Variants in TIFA observed in about 807,000 individuals in gnomAD.
The protein encoded by TIFA is TRAF interacting protein with forkhead associated domain.
For synonymous variants in TIFA, 75 were observed against 79.2 expected (o/e 0.95, Z 0.28); for missense variants, 186 against 215.2 (o/e 0.86, Z 0.85).
rs34544244 is a variant in TIFA, at chr4:112,280,343, C to CTTTTTTTTTTTTTTTTTTTTTT, written c.-18-1931_-18-1910dup. 2.6e-5 allele frequency among the ~76,000 whole-genome samples: 2 copies of CTTTTTTTTTTTTTTTTTTTTTT among 76,748 alleles called. 1 individual carries two copies. The highest frequency in any genetic ancestry group is 1.1e-4 in the African/African-American group (2 of 18,182). 50.3% of individuals were successfully genotyped at this position (76,748 alleles called of 152,430 possible). On this transcript the variant is annotated intron_variant, in intron 1 of 1. Transcript: ENST00000361717. Reference sequence around the variant, plus strand: ...TCCCTTTCTATCTTGCTGGCATTTCCTTTTTTTTTTTTTTTTTTTTTTTTG... The same window carrying CTTTTTTTTTTTTTTTTTTTTTT: ...TCCCTTTCTATCTTGCTGGCATTTCCTTTTTTTTTTTTTTTTTTTTTTTTTTTTTTTTTTTTTTTTTTTTTTG...
At chr4:112,285,012 T>C (rs768880791) in intron 1 of TIFA, among the ~76,000 whole-genome samples, 8 of 151,690 alleles carry the variant, frequency 5.3e-5, no homozygotes, top group Non-Finnish European at 1.2e-4. Context: ...TGACCTGGGG[T>C]CCAGTCCCAC....
rs151295684 is a variant in TIFA, at chr4:112,282,762, G to A, written c.-19+2878C>T. ...TGCCCAGGAAGGTGTCAACTCAACT[G>A]TCTGGTAGATAAAGCACCAGGGAAG... is the stretch of plus-strand genomic sequence containing the variant. On this transcript the variant is annotated intron_variant, in intron 1 of 1. Transcript: ENST00000361717. 1.7e-3 allele frequency among the ~76,000 whole-genome samples: 264 copies of A among 152,290 alleles called. 4 individuals carry two copies. The East Asian group carries it at 0.047, about 27-fold the overall frequency.
intron 1 of TIFA, among the ~76,000 whole-genome samples, chr4:112,280,410 C>T (rs1008757805): frequency 8.9e-5 from 11 of 124,236 alleles, no homozygotes; most frequent in Non-Finnish European, 1.2e-4. Context: ...TGTGCAGTGG[C>T]GTGATCTTGG....
At chr4:112,278,927 G>A (rs560022205) in intron 1 of TIFA, among the ~76,000 whole-genome samples, 2 of 152,158 alleles carry the variant, frequency 1.3e-5, no homozygotes, top group South Asian at 4.2e-4. Context: ...GTGAAACCTG[G>A]TTAAAGAAAA....
intron 1 of TIFA, among the ~76,000 whole-genome samples, chr4:112,283,040 G>A (rs976832503): frequency 2.6e-5 from 4 of 152,114 alleles, no homozygotes; most frequent in Non-Finnish European, 4.4e-5. Context: ...AAATAACCCT[G>A]TGAATCACTG....
chr4:112,275,325 T>C lies in TIFA; in HGVS notation c.*2537A>G, dbSNP rs1462306441. 6.6e-6 allele frequency: 1 copy of C among 152,138 alleles called. No homozygotes were observed. The highest frequency in any genetic ancestry group is 1.5e-5 in the Non-Finnish European group (1 of 68,042). 9.4% of individuals were successfully genotyped at this position (152,138 alleles called of 1,614,324 possible). A position where few individuals can be genotyped will look rare whatever the true frequency, so the allele number is the denominator to read the frequency against. On this transcript the variant is annotated 3_prime_UTR_variant, in exon 2 of 2. Transcript: ENST00000361717. ...CAGGTGGCCATGGAGCCAATATGCA[T>C]TGAGGGTCAGAGCCAGAGCATTCGA...
At chr4:112,282,931 C>A (rs1488775350) in intron 1 of TIFA, among the ~76,000 whole-genome samples, 1 of 151,524 alleles carries the variant, frequency 6.6e-6, no homozygotes, top group Non-Finnish European at 1.5e-5. Context: ...CTTAGGAATT[C>A]ACTTTTTTTT....
intron 1 of TIFA, among the ~76,000 whole-genome samples, chr4:112,280,535 A>G (rs1237893538): frequency 1.3e-5 from 2 of 151,798 alleles, no homozygotes; most frequent in African/African-American, 4.8e-5. Flanking sequence ...ATTTTAGTAG[A>G]GACAGGGTTT....
intron 1 of TIFA, among the ~76,000 whole-genome samples, chr4:112,285,358 C>A (rs752647854): frequency 6.6e-6 from 1 of 152,060 alleles, no homozygotes; most frequent in Non-Finnish European, 1.5e-5. Flanking sequence ...ATTAGAAAAA[C>A]GTTGAAAAGA....
intron 1 of TIFA, among the ~76,000 whole-genome samples, chr4:112,285,284 AG>A (rs565530319): frequency 6.6e-6 from 1 of 151,298 alleles, no homozygotes; most frequent in East Asian, 2.0e-4. Context: ...CAAGCGGGGG[AG>A]GGGGGTCACG....
At chr4:112,284,719 G>A (rs1443971774) in intron 1 of TIFA, among the ~76,000 whole-genome samples, 1 of 151,780 alleles carries the variant, frequency 6.6e-6, no homozygotes, top group Non-Finnish European at 1.5e-5. Flanking sequence ...CGAACACTGA[G>A]CACACAGGAG....
intron 1 of TIFA, among the ~76,000 whole-genome samples, chr4:112,285,352 GA>G (rs952713484): frequency 5.9e-5 from 9 of 151,982 alleles, no homozygotes; most frequent in Non-Finnish European, 1.3e-4. Context: ...TTTCTGATTA[GA>G]AAAACGTTGA....
rs1214587338 is a variant in TIFA, at chr4:112,275,749, T to C, written c.*2113A>G. On this transcript the variant is annotated 3_prime_UTR_variant, in exon 2 of 2. Transcript: ENST00000361717. Reference sequence around the variant, plus strand: ...AATATTACTTAACACATTGTTTGGATTCAATAACAATAATACATGAATCCC... The same window carrying C: ...AATATTACTTAACACATTGTTTGGACTCAATAACAATAATACATGAATCCC... The C allele has an allele frequency of 1.3e-5, 2 of 152,168 alleles. No homozygotes were observed. Among genetic ancestry groups the C allele is most frequent in the Non-Finnish European group, 2.9e-5 (2 of 68,036 alleles). 9.4% of individuals were successfully genotyped at this position (152,168 alleles called of 1,614,324 possible). A position where few individuals can be genotyped will look rare whatever the true frequency, so the allele number is the denominator to read the frequency against.
In TIFA at chr4:112,278,440, A is replaced by G; in HGVS notation, c.-18-6T>C. ...ATGATGTGCACAAGGCCCACCTGCA[A>G]TAATTAAATTACCATGTTAGTTTCT... On this transcript the variant is annotated splice_region_variant and splice_polypyrimidine_tract_variant and intron_variant, in intron 1 of 1. Transcript: ENST00000361717. 6.6e-7 allele frequency: 1 copy of G among 1,513,412 alleles called. No homozygotes were observed. The highest frequency in any genetic ancestry group is 8.8e-7 in the Non-Finnish European group (1 of 1,133,062). The allele number at this position is 1,513,412 out of a possible 1,614,324, so 93.7% of individuals were successfully genotyped here.
At chr4:112,284,044 G>T (rs1259314097) in intron 1 of TIFA, among the ~76,000 whole-genome samples, 1 of 152,194 alleles carries the variant, frequency 6.6e-6, no homozygotes, top group Non-Finnish European at 1.5e-5. Context: ...AATAAGCACT[G>T]CAGTTGGGAA....
chr4:112,285,406 T>C lies in TIFA; in HGVS notation c.-19+234A>G, dbSNP rs577500858. ...AGAGAAAACACACCCCCATCTCCAA[T>C]GTTTCCTCATTTATGTAAATATTCT... On this transcript the variant is annotated intron_variant, in intron 1 of 1. Transcript: ENST00000361717. 2.6e-5 allele frequency: 4 copies of C among 152,324 alleles called. No homozygotes were observed. In the South Asian group the frequency reaches 8.3e-4, roughly 32 times the overall value. 9.4% of individuals were successfully genotyped at this position (152,324 alleles called of 1,614,324 possible). A position where few individuals can be genotyped will look rare whatever the true frequency, so the allele number is the denominator to read the frequency against.
chr4:112,277,682 C>CGG lies in TIFA; in HGVS notation c.*179_*180insCC. ...AATTTTGTGTAGATCCAGAATACAA[C>CGG]AGGTGACTAAGTTAATGACTAACAC... On this transcript the variant is annotated 3_prime_UTR_variant, in exon 2 of 2. Coordinates refer to ENST00000361717, the MANE Select transcript of TIFA (RefSeq NM_052864.3). 2.4e-6 allele frequency: 1 copy of CGG among 422,328 alleles called. No individual in the cohort carries two copies. Among genetic ancestry groups the CGG allele is most frequent in the Middle Eastern group, 6.4e-4 (1 of 1,558 alleles). The allele number at this position is 422,328 out of a possible 1,614,324, so 26.2% of individuals were successfully genotyped here.
chr4:112,279,168 C>T (rs959720305), intron 1 of TIFA, among the ~76,000 whole-genome samples: 21 of 152,346 alleles, frequency 1.4e-4, no homozygotes, highest in African/African-American at 4.8e-4. Flanking sequence ...TACTCAATGA[C>T]TGGATGGACA....
In TIFA at chr4:112,277,884, T is replaced by C; in HGVS notation, c.533A>G (p.Glu178Gly). The stretch of plus-strand genomic sequence containing the variant: ...TGTTCATGACTCATTTTCATCCATT[T>C]CTGTCGGAGAACTGCTTTGGGAGGA... The part of the protein sequence containing the change: ...LCSSQSSSPT[E>G]MDENES The change falls in exon 2 of 2, where the codon GAA becomes GGA. Residue 178 changes from glutamate to glycine, a missense_variant. Glu to Gly is a moderately conservative substitution (Grantham distance 98, BLOSUM62 -2). Coordinates refer to ENST00000361717, the MANE Select transcript of TIFA (RefSeq NM_052864.3). 3.8e-6 allele frequency: 6 copies of C among 1,597,312 alleles called. No individual in the cohort carries two copies. Among genetic ancestry groups the C allele is most frequent in the African/African-American group, 1.4e-5 (1 of 73,974 alleles).
Sources: gnomAD v4.1 joint callset for allele counts (sites outside exome capture counted in the v4.1 genomes callset) on GRCh38, gnomAD v4.1.1 for gene constraint, MANE v1.5 for transcripts, NCBI Gene and HGNC (gene_info 2026-07-23, HGNC 2026-07-21) for gene names.